Variants in TASP1 observed in about 807,000 individuals in gnomAD.
TASP1 encodes taspase 1.
Under a neutral mutation model 56.6 loss-of-function variants are expected in TASP1, and 16 were observed. That is an observed-to-expected ratio of 0.28 (90% confidence interval 0.19 to 0.43). TASP1 has a LOEUF of 0.43. Ranked by LOEUF, TASP1 falls within the 20% of genes least tolerant of loss-of-function variation. The pLI is 1.00. For synonymous variants in TASP1, 179 were observed against 184.2 expected, an observed-to-expected ratio of 0.97 and a Z score of 0.23; for missense variants, 393 against 511.6, an observed-to-expected ratio of 0.77 and a Z score of 2.24.
chr20:13,231,165 C>T, the TASP1 span, among the ~76,000 whole-genome samples: 1 of 152,220 alleles, frequency 6.6e-6, no homozygotes, highest in African/African-American at 2.4e-5. Context: ...ATAATGGATA[C>T]TCCTCTAGGT....
intron 4 of TASP1, among the ~76,000 whole-genome samples, chr20:13,588,307 A>AAGGAAGGAAGGAAGGAAGGG (rs1218049851): frequency 2.7e-5 from 3 of 111,258 alleles, no homozygotes; most frequent in Admixed American, 8.6e-5. Context: ...GGAAGGAAGG[A>AAGGAAGGAAGGAAGGAAGGG]AGAGAAAGAA....
At chr20:13,605,447 A>C (rs1215844898) in intron 4 of TASP1, among the ~76,000 whole-genome samples, 42 of 152,152 alleles carry the variant, frequency 2.8e-4, no homozygotes, top group Admixed American at 2.8e-3. Context: ...GGAGGCTGAG[A>C]CAGGAGGATC....
At chr20:13,412,152 CT>C (rs1423753104) in intron 13 of TASP1, among the ~76,000 whole-genome samples, 1 of 152,274 alleles carries the variant, frequency 6.6e-6, no homozygotes, top group South Asian at 2.1e-4. Context: ...TGATGAAGGC[CT>C]CACAGAGAAA....
At chr20:13,154,708 C>T in the TASP1 span, among the ~76,000 whole-genome samples, 1 of 152,172 alleles carries the variant, frequency 6.6e-6, no homozygotes, top group African/African-American at 2.4e-5. Flanking sequence ...TTCTCATGCC[C>T]TTACTGTGAA....
chr20:13,265,545 C>A, the TASP1 span, among the ~76,000 whole-genome samples: 1 of 152,186 alleles, frequency 6.6e-6, no homozygotes, highest in Non-Finnish European at 1.5e-5. Flanking sequence ...TCGAAAGCTT[C>A]CTTGCTTCTT....
intron 4 of TASP1, among the ~76,000 whole-genome samples, chr20:13,608,506 C>T (rs533741757): frequency 6.6e-6 from 1 of 152,316 alleles, no homozygotes; most frequent in East Asian, 1.9e-4. Context: ...ATAGACAATG[C>T]TACAACTACT....
chr20:13,126,471 C>A, the TASP1 span: 1 of 1,214,738 alleles, frequency 8.2e-7, no homozygotes, highest in Non-Finnish European at 1.1e-6. Flanking sequence ...CCCCATTCAT[C>A]TTTTGAGCAT....
the TASP1 span, among the ~76,000 whole-genome samples, chr20:13,288,152 T>C: frequency 6.6e-6 from 1 of 152,148 alleles, no homozygotes; most frequent in African/African-American, 2.4e-5. Flanking sequence ...CTAGAGAAAA[T>C]AGATTCTCCT....
intron 11 of TASP1, among the ~76,000 whole-genome samples, chr20:13,460,401 T>A (rs2044011461): frequency 6.6e-6 from 1 of 152,178 alleles, no homozygotes; most frequent in South Asian, 2.1e-4. Context: ...CTTCAAGGTC[T>A]TCTTTTATCT....
chr20:13,198,410 T>C, the TASP1 span, among the ~76,000 whole-genome samples: 8 of 152,130 alleles, frequency 5.3e-5, no homozygotes, highest in South Asian at 2.1e-4. Flanking sequence ...GGGTCCCTTT[T>C]ATGAGGGCAC....
At chr20:13,480,789 A>C (rs1306946703) in intron 11 of TASP1, among the ~76,000 whole-genome samples, 1 of 152,144 alleles carries the variant, frequency 6.6e-6, no homozygotes, top group African/African-American at 2.4e-5. Flanking sequence ...GGTTCCTAGA[A>C]AGTGAATGTT....
At chr20:13,456,520 T>G (rs1251957173) in intron 11 of TASP1, among the ~76,000 whole-genome samples, 1 of 152,160 alleles carries the variant, frequency 6.6e-6, no homozygotes, top group Non-Finnish European at 1.5e-5. Flanking sequence ...TAAAAAAGAC[T>G]GCATTGACAC....
chr20:13,213,325 T>G, the TASP1 span, among the ~76,000 whole-genome samples: 3 of 152,336 alleles, frequency 2.0e-5, no homozygotes. Flanking sequence ...TTATTATTTT[T>G]AAATCACTAA....
At chr20:13,193,502 A>C in the TASP1 span, among the ~76,000 whole-genome samples, 20 of 152,216 alleles carry the variant, frequency 1.3e-4, no homozygotes, top group Non-Finnish European at 2.9e-5. Context: ...ATAGAGCAAA[A>C]ACATGAAATA....
chr20:13,140,166 T>A, the TASP1 span, among the ~76,000 whole-genome samples: 1 of 152,176 alleles, frequency 6.6e-6, no homozygotes, highest in African/African-American at 2.4e-5. Flanking sequence ...AATAGTAGCA[T>A]ACAGACATTA....
chr20:13,619,289 G>C (rs902525421), intron 4 of TASP1, among the ~76,000 whole-genome samples: 10 of 152,074 alleles, frequency 6.6e-5, no homozygotes, highest in African/African-American at 2.2e-4. Flanking sequence ...GTTACAACAA[G>C]ATCTTCAAAA....
At chr20:13,625,098 A>C in intron 3 of TASP1, 87 bp downstream of exon 3, 2 of 985,350 alleles carry the variant, frequency 2.0e-6, no homozygotes, top group Non-Finnish European at 2.9e-6. Flanking sequence ...CTGTCCTAGA[A>C]ATGAAACTTT....
chr20:13,268,910 T>A, the TASP1 span, among the ~76,000 whole-genome samples: 45,741 of 151,896 alleles, frequency 0.3, 7,231 homozygotes, highest in East Asian at 0.57. Flanking sequence ...CAAGACCCTG[T>A]CTCTAAAAAA....
chr20:13,632,984 T>A (rs2049153894), intron 1 of TASP1, among the ~76,000 whole-genome samples: 1 of 152,160 alleles, frequency 6.6e-6, no homozygotes, highest in Admixed American at 6.5e-5. Context: ...TTGACAATTA[T>A]CAAAAAATAA....
Sources: allele counts gnomAD v4.1 joint callset (sites outside exome capture counted in the v4.1 genomes callset), GRCh38; gene constraint gnomAD v4.1.1; transcripts MANE v1.5; gene names NCBI Gene and HGNC (gene_info 2026-07-23, HGNC 2026-07-21).